The following ARFGEF3 variants were observed in gnomAD, a reference collection of about 807,000 sequenced individuals.
The protein encoded by ARFGEF3 is brefeldin A-inhibited guanine nucleotide-exchange protein 3.
ARFGEF3 carries 96 observed loss-of-function variants against 221.7 expected under a neutral mutation model. The ratio of observed to expected loss-of-function variants is 0.43; its 90% CI spans 0.37 to 0.51. The LOEUF (loss-of-function observed/expected upper bound fraction) is 0.51, where lower values mean the gene tolerates loss of function less well. ARFGEF3 is among the 20% of genes least tolerant of loss of function. The probability of loss-of-function intolerance (pLI) is 0.00; values close to 1 mark genes in which losing one functional copy is unlikely to be tolerated. For missense variants in ARFGEF3, 2,410 were observed against 2,789.9 expected, an observed-to-expected ratio of 0.86 and a Z score of 3.07; for synonymous variants, 1,145 against 1,126.8, an observed-to-expected ratio of 1.02 and a Z score of -0.32.
intron 32 of ARFGEF3, among the ~76,000 whole-genome samples, chr6:138,329,939 G>A (rs1185977254): frequency 6.6e-6 from 1 of 152,024 alleles, no homozygotes; most frequent in Non-Finnish European, 1.5e-5. Flanking sequence ...AGATAGGGGT[G>A]GGGCCGTTTT....
intron 2 of ARFGEF3, among the ~76,000 whole-genome samples, chr6:138,171,989 A>G (rs1299049810): frequency 1.3e-5 from 2 of 152,162 alleles, no homozygotes; most frequent in Non-Finnish European, 2.9e-5. Context: ...TTCTCAGGAT[A>G]CTGTGATTAG....
At chr6:138,265,715 A>G (rs1047009554) in intron 12 of ARFGEF3, among the ~76,000 whole-genome samples, 2 of 152,116 alleles carry the variant, frequency 1.3e-5, no homozygotes, top group South Asian at 2.1e-4. Context: ...ATTGTGCTAT[A>G]TGCTAAGGTC....
chr6:138,181,051 C>A (rs955601189), intron 2 of ARFGEF3, among the ~76,000 whole-genome samples: 4 of 152,200 alleles, frequency 2.6e-5, no homozygotes, highest in African/African-American at 9.7e-5. Context: ...TGTGGGCTAT[C>A]TGCCAGTTGT....
In ARFGEF3 at chr6:138,291,863, G is replaced by A. The variant is rs1779411452; in HGVS notation, c.3178G>A (p.Gly1060Ser). The A allele has an allele frequency of 6.7e-7, 1 of 1,498,534 alleles. No homozygotes were observed. Among genetic ancestry groups the A allele is most frequent in the Non-Finnish European group, 8.9e-7 (1 of 1,119,782 alleles). 92.8% of individuals were successfully genotyped at this position (1,498,534 alleles called of 1,614,324 possible). A position where few individuals can be genotyped will look rare whatever the true frequency, so the allele number is the denominator to read the frequency against. ...AGLLGDPECEGSPPEHSPEQG... is the reference protein window; with the variant it reads ...AGLLGDPECESSPPEHSPEQG... ...CCTCCTTGGGGACCCCGAGTGTGAG[G>A]GCTCGCCCCCCGAGCACAGCCCGGA... Residue 1060 changes from glycine (G) to serine (S), a missense_variant, in exon 19 of 34, where the codon GGC becomes AGC. Physicochemically the swap from Gly to Ser is moderately conservative, Grantham distance 56. This residue lies in a region of ARFGEF3 where 184 missense variants were observed against 141.8 expected (regional missense o/e 1.30). Coordinates refer to ENST00000251691, the MANE Select transcript of ARFGEF3 (RefSeq NM_020340.5). The surrounding 1 kb of genome is among the most constrained non-coding windows in gnomAD (Gnocchi z 4.5).
Position 138,272,346 on chromosome 6 carries a change from G to A in ARFGEF3, c.2129-6105G>A, listed in dbSNP as rs140347586. 6.1e-3 allele frequency among the ~76,000 whole-genome samples: 931 copies of A among 152,170 alleles called. 7 individuals are homozygous for A. Among genetic ancestry groups the A allele is most frequent in the East Asian group, 0.041 (211 of 5,180 alleles). On this transcript the variant is annotated intron_variant, in intron 12 of 33. Transcript: ENST00000251691. ...AATTTTTTGTATTTTGAGTAGAGAC[G>A]TGGTTTCACCATGTTGGTCAGGCTG...
chr6:138,274,659 G>A (rs1321692733), intron 12 of ARFGEF3, among the ~76,000 whole-genome samples: 1 of 152,080 alleles, frequency 6.6e-6, no homozygotes, highest in Non-Finnish European at 1.5e-5. Flanking sequence ...GCCAGGCATG[G>A]TGGTGCATGC....
intron 11 of ARFGEF3, among the ~76,000 whole-genome samples, chr6:138,261,964 A>T (rs1778804838): frequency 6.6e-6 from 1 of 152,138 alleles, no homozygotes; most frequent in Non-Finnish European, 1.5e-5. Context: ...ACTGAATATT[A>T]TAGGGCTTGT....
chr6:138,328,454 T>A (rs1016656301), intron 32 of ARFGEF3, among the ~76,000 whole-genome samples: 1 of 152,198 alleles, frequency 6.6e-6, no homozygotes, highest in Non-Finnish European at 1.5e-5. Context: ...CTCCTTGACC[T>A]GTAGATGACC....
chr6:138,164,979 C>T (rs1776696020), intron 1 of ARFGEF3, among the ~76,000 whole-genome samples: 1 of 152,008 alleles, frequency 6.6e-6, no homozygotes, highest in African/African-American at 2.4e-5. Context: ...TCATCCCCCA[C>T]TTAGACCCTC....
At chr6:138,197,651 C>A (rs147245499) in intron 2 of ARFGEF3, among the ~76,000 whole-genome samples, 19 of 152,254 alleles carry the variant, frequency 1.2e-4, no homozygotes, top group South Asian at 2.1e-4. Context: ...ATGGGACCAC[C>A]GTGGTCCGTC....
chr6:138,227,833 A>G (rs1010610264), intron 4 of ARFGEF3, among the ~76,000 whole-genome samples: 2 of 152,226 alleles, frequency 1.3e-5, no homozygotes, highest in Non-Finnish European at 2.9e-5. Context: ...TGAGTACTTT[A>G]GAGAGGGGGA....
chr6:138,302,480 G>A (rs1289199664), intron 22 of ARFGEF3, among the ~76,000 whole-genome samples: 1 of 152,136 alleles, frequency 6.6e-6, no homozygotes, highest in Non-Finnish European at 1.5e-5. Context: ...CAACATACCT[G>A]TAATGGGAGT....
intron 5 of ARFGEF3, among the ~76,000 whole-genome samples, chr6:138,230,069 G>C (rs1016494103): frequency 6.6e-6 from 1 of 152,096 alleles, no homozygotes; most frequent in African/African-American, 2.4e-5. Context: ...GCATGCTTAC[G>C]TTTGCTTCAC....
intron 8 of ARFGEF3, among the ~76,000 whole-genome samples, chr6:138,250,158 T>G (rs1213364871): frequency 6.6e-6 from 1 of 152,190 alleles, no homozygotes; most frequent in Non-Finnish European, 1.5e-5. Context: ...AATCAGTGCC[T>G]CTTAGGGCTT....
intron 4 of ARFGEF3, among the ~76,000 whole-genome samples, chr6:138,213,287 CA>C (rs36044450): frequency 0.2 from 18,148 of 90,360 alleles, 1,584 homozygotes; most frequent in East Asian, 0.42. Context: ...GACTCCATCT[CA>C]AAAAAAAAAA....
Position 138,289,960 on chromosome 6 carries a change from C to G in ARFGEF3, c.3039C>G (p.His1013Gln). The change falls in exon 18 of 34, where the codon CAC (histidine) becomes CAG (glutamine). Residue 1013 changes from histidine to glutamine, a missense_variant. Physicochemically the swap from His to Gln is conservative, Grantham distance 24 (BLOSUM62 0). This residue lies in a region of ARFGEF3 where 594 missense variants were observed against 734.3 expected (regional missense o/e 0.81). Coordinates refer to ENST00000251691, the MANE Select transcript of ARFGEF3 (RefSeq NM_020340.5). Reference sequence around the variant, plus strand: ...GCCACAACCCGGACTGCTGGCCACACGTGTTCAGGTGCATGACGGGCTCCC... The same window carrying G: ...GCCACAACCCGGACTGCTGGCCACAGGTGTTCAGGTGCATGACGGGCTCCC... The part of the protein sequence containing the change: ...MGSHNPDCWP[H>Q]VFRVCEYVGT... The G allele has an allele frequency of 6.2e-7, 1 of 1,610,894 alleles. No homozygotes were observed. Among genetic ancestry groups the G allele is most frequent in the Non-Finnish European group, 8.5e-7 (1 of 1,178,400 alleles).
chr6:138,335,053 C>G lies in ARFGEF3; in HGVS notation c.6207C>G (p.His2069Gln). The change falls in exon 33 of 34, where the codon CAC becomes CAG. Residue 2069 changes from histidine (H) to glutamine (Q), a missense_variant. By Grantham distance (24) the His-to-Gln change is conservative. This residue lies in a region of ARFGEF3 where 339 missense variants were observed against 334.9 expected (regional missense o/e 1.01). Coordinates refer to ENST00000251691, the MANE Select transcript of ARFGEF3 (RefSeq NM_020340.5). ...CCCCGCTGCTTCAGCGTCCCCAGCA[C>G]TTGATGGACCAAGGGCAAATGCGGC... Reference protein sequence around the residue: ...QDSPLLQRPQHLMDQGQMRHS... With the variant: ...QDSPLLQRPQQLMDQGQMRHS... 6.3e-7 allele frequency: 1 copy of G among 1,598,560 alleles called. No homozygotes were observed. The highest frequency in any genetic ancestry group is 1.1e-5 in the South Asian group (1 of 87,722).
At position 138,336,433 on chromosome 6, in the gene ARFGEF3, G is replaced by A. The variant is rs1780325475; in HGVS notation, c.6481G>A (p.Ala2161Thr). Residue 2161 changes from alanine (A) to threonine (T), a missense_variant, in exon 34 of 34, where the codon GCT (alanine) becomes ACT (threonine). Coordinates refer to ENST00000251691, the MANE Select transcript of ARFGEF3 (RefSeq NM_020340.5). ...CHVTDIRVRQ[A>T]VREWLGRVGR... is the part of the protein sequence containing the mutation. Reference sequence around the variant, plus strand: ...CGTGACCGACATCAGAGTTCGCCAGGCTGTGAGGGAGTGGCTGGGCAGGGT... The same window carrying A: ...CGTGACCGACATCAGAGTTCGCCAGACTGTGAGGGAGTGGCTGGGCAGGGT... The A allele has an allele frequency of 6.2e-7, 1 of 1,613,278 alleles. No homozygotes were observed. The highest frequency in any genetic ancestry group is 8.5e-7 in the Non-Finnish European group (1 of 1,179,610).
At chr6:138,211,888 C>T (rs1777734631) in intron 4 of ARFGEF3, among the ~76,000 whole-genome samples, 1 of 152,118 alleles carries the variant, frequency 6.6e-6, no homozygotes, top group South Asian at 2.1e-4. Flanking sequence ...CACCAGAAAT[C>T]GTGGAAAGCC....
Sources: gnomAD v4.1 joint callset for allele counts (sites outside exome capture counted in the v4.1 genomes callset) on GRCh38, gnomAD v4.1.1 for gene constraint, gnomAD v4.1.1 regional missense constraint, Gnocchi (gnomAD v3.1) non-coding constraint, MANE v1.5 for transcripts, NCBI Gene and HGNC (gene_info 2026-07-23, HGNC 2026-07-21) for gene names.